Variants in USP24 observed in about 807,000 individuals in gnomAD.
The protein encoded by USP24 is ubiquitin carboxyl-terminal hydrolase 24.
Under a neutral mutation model 361.6 loss-of-function variants are expected in USP24, and 97 were observed. That is an observed-to-expected ratio of 0.27 (90% confidence interval 0.23 to 0.32). The LOEUF (loss-of-function observed/expected upper bound fraction) is 0.32. Ranked by LOEUF, USP24 falls within the 10% of genes least tolerant of loss-of-function variation. The pLI is 1.00. For synonymous variants in USP24, 1,098 were observed against 1,124.6 expected (o/e 0.98, Z 0.47); for missense variants, 2,353 against 3,165.6 (o/e 0.74, Z 6.16).
At chr1:55,209,191 C>A (rs1245290451) in intron 1 of USP24, among the ~76,000 whole-genome samples, 2 of 152,148 alleles carry the variant, frequency 1.3e-5, no homozygotes, top group Non-Finnish European at 2.9e-5. Flanking sequence ...AATCTAGTAT[C>A]ATGACTGAAA....
At chr1:55,172,545 A>G in intron 3 of USP24, 25 bp from the exon 4 acceptor site, 1 of 1,590,028 alleles carries the variant, frequency 6.3e-7, no homozygotes, top group Non-Finnish European at 8.5e-7. Flanking sequence ...AGGGCAATCT[A>G]GAGTCTAACT....
intron 55 of USP24, among the ~76,000 whole-genome samples, chr1:55,088,347 G>A (rs1041521508): frequency 6.6e-6 from 1 of 152,172 alleles, no homozygotes; most frequent in African/African-American, 2.4e-5. Context: ...TCCCTGTTGT[G>A]TGTTTGTTTT....
chr1:55,214,970 G>C lies in USP24; in HGVS notation c.144C>G (p.Leu48=). 1.4e-6 allele frequency: 2 copies of C among 1,436,108 alleles called. No homozygotes were observed. Among genetic ancestry groups the C allele is most frequent in the Non-Finnish European group, 1.8e-6 (2 of 1,090,538 alleles). The allele number at this position is 1,436,108 out of a possible 1,614,324, so 89.0% of individuals were successfully genotyped here. The change falls in exon 1 of 68, where the codon CTC becomes CTG. Residue 48 remains leucine (L), a synonymous_variant. Coordinates refer to ENST00000294383, the MANE Select transcript of USP24 (RefSeq NM_015306.3). Reference sequence around the variant, plus strand: ...CCATGGGCTCGTAGCCGCCGTAGTCGAGGCCCGGCCGCTCGTTGGTGAGCA... The same window carrying C: ...CCATGGGCTCGTAGCCGCCGTAGTCCAGGCCCGGCCGCTCGTTGGTGAGCA... ...VALLTNERPG[L]DYGGYEPMDS...
chr1:55,137,760 A>G (rs750687693), intron 27 of USP24, 46 bp downstream of exon 27: 1 of 1,544,020 alleles, frequency 6.5e-7, no homozygotes, highest in South Asian at 1.2e-5. Flanking sequence ...CTAAATATTT[A>G]TATTATATCA....
Position 55,067,964 on chromosome 1 carries a change from T to G in USP24, c.*1081A>C, listed in dbSNP as rs1311798545. ...AATAAATCTTAAACCTTGACTGACTTTTCAGTGTTAATTAGTCATGTTGAG... is the reference window on the plus strand; with the variant it reads ...AATAAATCTTAAACCTTGACTGACTGTTCAGTGTTAATTAGTCATGTTGAG... On this transcript the variant is annotated 3_prime_UTR_variant, in exon 68 of 68. Transcript: ENST00000294383. 6.6e-6 allele frequency: 1 copy of G among 152,250 alleles called. No homozygotes were observed. Among genetic ancestry groups the G allele is most frequent in the Admixed American group, 6.5e-5 (1 of 15,286 alleles). 9.4% of individuals were successfully genotyped at this position (152,250 alleles called of 1,614,324 possible). A position where few individuals can be genotyped will look rare whatever the true frequency, so the allele number is the denominator to read the frequency against.
rs1186742528 is a variant in USP24, at chr1:55,154,136, T to C, written c.1795A>G (p.Ile599Val). 19 of 1,613,532 alleles carry C rather than the reference T, an allele frequency of 1.2e-5. No homozygotes were observed. Among genetic ancestry groups the C allele is most frequent in the African/African-American group, 4.0e-5 (3 of 74,894 alleles). Residue 599 changes from isoleucine (I) to valine (V), a missense_variant, in exon 15 of 68, where the codon ATA becomes GTA. This residue lies in a region of USP24 where 386 missense variants were observed against 560.5 expected (regional missense o/e 0.69). Coordinates refer to ENST00000294383, the MANE Select transcript of USP24 (RefSeq NM_015306.3). ...AIKRSYIIKC[I>V]EDIKRPGEWS... ...AAACCAACCCTCTTAATATCTTCTATGCACTTGATGATGTAGCTCCTCTTG... is the reference window on the plus strand; with the variant it reads ...AAACCAACCCTCTTAATATCTTCTACGCACTTGATGATGTAGCTCCTCTTG...
In USP24 at chr1:55,071,764, C is replaced by T. The variant is rs573937341; in HGVS notation, c.7800+50G>A. The T allele has an allele frequency of 8.0e-5, 123 of 1,539,648 alleles. No individual in the cohort carries two copies. The South Asian group carries it at 1.0e-3, about 13-fold the overall frequency. ...AGCTGTGGAAATTCTTTTTGGAAAG[C>T]TTAAGAGCAAGGCTGCCCTTTGCAC... On this transcript the variant is annotated intron_variant, in intron 67 of 67. Coordinates refer to ENST00000294383, the MANE Select transcript of USP24 (RefSeq NM_015306.3).
intron 62 of USP24, among the ~76,000 whole-genome samples, chr1:55,076,636 G>A (rs1380940523): frequency 6.6e-6 from 1 of 152,064 alleles, no homozygotes; most frequent in Non-Finnish European, 1.5e-5. Flanking sequence ...TTCACACTCA[G>A]AATATTCCCA....
chr1:55,154,486 C>A lies in USP24; in HGVS notation c.1555-20G>T. 6.5e-7 allele frequency: 1 copy of A among 1,546,862 alleles called. No individual in the cohort carries two copies. The highest frequency in any genetic ancestry group is 8.7e-7 in the Non-Finnish European group (1 of 1,145,380). On this transcript the variant is annotated intron_variant, in intron 13 of 67. Coordinates refer to ENST00000294383, the MANE Select transcript of USP24 (RefSeq NM_015306.3). ...CCAGCTCTGTAGAACGGAAAAGACACAGGAATTGCTTCACGATCAAACTGG... is the reference window on the plus strand; with the variant it reads ...CCAGCTCTGTAGAACGGAAAAGACAAAGGAATTGCTTCACGATCAAACTGG...
chr1:55,180,640 C>G (rs1278222056), intron 1 of USP24, among the ~76,000 whole-genome samples: 1 of 152,200 alleles, frequency 6.6e-6, no homozygotes, highest in Non-Finnish European at 1.5e-5. Context: ...TTTCTGTTCT[C>G]TTTAACCTAC....
intron 54 of USP24, 31 bp from the exon 55 acceptor site, chr1:55,089,771 G>A (rs756891653): frequency 4.0e-6 from 6 of 1,505,472 alleles, no homozygotes; most frequent in African/African-American, 1.4e-5. Flanking sequence ...AGCAATGTTA[G>A]GAGCATAAGC....
At chr1:55,159,452 C>T (rs1280735053) in intron 9 of USP24, among the ~76,000 whole-genome samples, 159 bp downstream of exon 9, 2 of 152,204 alleles carry the variant, frequency 1.3e-5, no homozygotes, top group Non-Finnish European at 2.9e-5. Context: ...AATGGTGCTT[C>T]AGAAACAGCA....
rs776295862 is a variant in USP24 at position 55,068,305 on chromosome 1, A to G, written c.*740T>C. On this transcript the variant is annotated 3_prime_UTR_variant, in exon 68 of 68. Transcript: ENST00000294383. ...CTTCTTTAAGTAATTGATGTCAAAT[A>G]ATGCACCCTGTACTTCTGGAGAACA... 15 of 152,356 alleles carry G rather than the reference A, an allele frequency of 9.8e-5. No individual in the cohort carries two copies. The highest frequency in any genetic ancestry group is 1.8e-4 in the Non-Finnish European group (12 of 68,034). 9.4% of individuals were successfully genotyped at this position (152,356 alleles called of 1,614,324 possible). A position where few individuals can be genotyped will look rare whatever the true frequency, so the allele number is the denominator to read the frequency against.
In USP24 at chr1:55,141,747, C is replaced by T. The variant is rs1349233441; in HGVS notation, c.2635-16G>A. On this transcript the variant is annotated splice_polypyrimidine_tract_variant and intron_variant, in intron 23 of 67. Coordinates refer to ENST00000294383, the MANE Select transcript of USP24 (RefSeq NM_015306.3). Reference sequence around the variant, plus strand: ...AACTGGCTGCCTAAAAAATACCAAACAGTCATTCTCTATCAGGGTTTCTCA... The same window carrying T: ...AACTGGCTGCCTAAAAAATACCAAATAGTCATTCTCTATCAGGGTTTCTCA... 4 of 1,582,066 alleles carry T rather than the reference C, an allele frequency of 2.5e-6. No homozygotes were observed. The highest frequency in any genetic ancestry group is 1.1e-5 in the South Asian group (1 of 86,982).
In USP24 at chr1:55,185,257, G is replaced by C. The variant is rs112128821; in HGVS notation, c.325-7125C>G. ...TGTGAGCCAACATATCTGGTCACAA[G>C]AGGGAAATTTTTTACTGGTAATGCC... On this transcript the variant is annotated intron_variant, in intron 1 of 67. Coordinates refer to ENST00000294383, the MANE Select transcript of USP24 (RefSeq NM_015306.3). Among the ~76,000 whole-genome samples, 602 of 151,768 alleles carry C rather than the reference G, an allele frequency of 4.0e-3. 2 individuals carry two copies. Among genetic ancestry groups the C allele is most frequent in the African/African-American group, 0.014 (569 of 41,388 alleles).
At chr1:55,091,921 T>C (rs555672124) in intron 54 of USP24, 102 bp downstream of exon 54, 273 of 858,570 alleles carry the variant, frequency 3.2e-4, no homozygotes, top group Admixed American at 1.0e-3. Flanking sequence ...CTGAATAAAA[T>C]TAGGTAGCTG....
At chr1:55,161,560 A>G (rs2100766056) in intron 8 of USP24, among the ~76,000 whole-genome samples, 1 of 152,306 alleles carries the variant, frequency 6.6e-6, no homozygotes, top group East Asian at 1.9e-4. Flanking sequence ...ATTTTTTAAA[A>G]GCTCTATAGA....
chr1:55,103,745 T>C, intron 42 of USP24, 131 bp downstream of exon 42: 2 of 966,728 alleles, frequency 2.1e-6, no homozygotes, highest in Non-Finnish European at 1.5e-6. Context: ...GATTTGAGTA[T>C]GTGAACACAG....
chr1:55,142,958 C>T, intron 22 of USP24, 21 bp downstream of exon 22: 1 of 1,484,590 alleles, frequency 6.7e-7, no homozygotes, highest in South Asian at 1.3e-5. Flanking sequence ...ATATGGATAA[C>T]TTCTTTCCTT....
Sources: gnomAD v4.1 joint callset for allele counts (sites outside exome capture counted in the v4.1 genomes callset) on GRCh38, gnomAD v4.1.1 for gene constraint, gnomAD v4.1.1 regional missense constraint, MANE v1.5 for transcripts, NCBI Gene and HGNC (gene_info 2026-07-23, HGNC 2026-07-21) for gene names.